PCA3: variants seen among roughly 807,000 people sequenced by gnomAD.
The protein encoded by PCA3 is Differential Display code 3.
chr9:76,779,138 A>C (rs1347392679), intron 2 of PCA3, among the ~76,000 whole-genome samples: 2 of 152,200 alleles, frequency 1.3e-5, no homozygotes, highest in Non-Finnish European at 2.9e-5. Flanking sequence ...TGTAGACGCA[A>C]ATTTTCTGGA....
intron 2 of PCA3, among the ~76,000 whole-genome samples, chr9:76,767,403 A>C (rs2052527877): frequency 6.6e-6 from 1 of 151,808 alleles, no homozygotes; most frequent in South Asian, 2.1e-4. Flanking sequence ...GTGAGACAAG[A>C]TTGTGCCACT....
intron 2 of PCA3, among the ~76,000 whole-genome samples, chr9:76,775,263 A>G (rs1490856316): frequency 6.6e-6 from 1 of 152,186 alleles, no homozygotes; most frequent in East Asian, 1.9e-4. Context: ...TTGCAATGAC[A>G]AAGAGGAACA....
chr9:76,784,630 A>T (rs2054780203), intron 2 of PCA3: 1 of 152,240 alleles, frequency 6.6e-6, no homozygotes, highest in South Asian at 2.1e-4. Context: ...TACACTGTAG[A>T]ATAACATTAC....
chr9:76,768,042 G>A (rs1373047647), intron 2 of PCA3, among the ~76,000 whole-genome samples: 1 of 152,164 alleles, frequency 6.6e-6, no homozygotes, highest in Non-Finnish European at 1.5e-5. Flanking sequence ...ACAGCGGCAG[G>A]TCAGAGGGAG....
intron 2 of PCA3, among the ~76,000 whole-genome samples, chr9:76,773,496 T>A (rs1194542872): frequency 2.1e-5 from 3 of 144,422 alleles, no homozygotes; most frequent in Non-Finnish European, 3.0e-5. Flanking sequence ...CAGGCTGGAG[T>A]GCAGTGGTGC....
At chr9:76,766,285 G>C (rs1460404257) in intron 2 of PCA3, among the ~76,000 whole-genome samples, 1 of 151,924 alleles carries the variant, frequency 6.6e-6, no homozygotes, top group Non-Finnish European at 1.5e-5. Flanking sequence ...AGCTTCAGGG[G>C]ATACCATATG....
At chr9:76,772,617 G>A (rs530563012) in intron 2 of PCA3, among the ~76,000 whole-genome samples, 22 of 152,210 alleles carry the variant, frequency 1.4e-4, no homozygotes, top group Non-Finnish European at 2.8e-4. Context: ...AGGCTGGAAC[G>A]TAGTGGTGCA....
At chr9:76,770,580 G>A (rs907696888) in intron 2 of PCA3, among the ~76,000 whole-genome samples, 2 of 152,052 alleles carry the variant, frequency 1.3e-5, no homozygotes, top group South Asian at 2.1e-4. Context: ...TAAAATTAAA[G>A]CTAAAAGTAA....
In PCA3 at chr9:76,770,961, ATAAC is replaced by A. The variant is rs144748804; in HGVS notation, n.852+34353_852+34356del. Among the ~76,000 whole-genome samples, 602 of 152,302 alleles carry A rather than the reference ATAAC, an allele frequency of 4.0e-3. 2 individuals carry two copies. Among genetic ancestry groups the A allele is most frequent in the African/African-American group, 0.014 (567 of 41,564 alleles). On this transcript the variant is annotated intron_variant and non_coding_transcript_variant, in intron 2 of 5. Transcript: ENST00000644657. ...AGAAGAATTAGTAATTGATAAACTA[ATAAC>A]TAACTAGAGACACTGTAACACTTAC...
intron 2 of PCA3, among the ~76,000 whole-genome samples, chr9:76,783,330 T>C (rs1167749136): frequency 6.6e-6 from 1 of 151,950 alleles, no homozygotes; most frequent in Admixed American, 6.6e-5. Flanking sequence ...AGAGATGGGG[T>C]TTCACCATAT....
intron 2 of PCA3, among the ~76,000 whole-genome samples, chr9:76,781,360 A>G (rs1288609475): frequency 2.0e-5 from 3 of 151,726 alleles, no homozygotes; most frequent in East Asian, 3.9e-4. Context: ...CCTCCCCTAC[A>G]CTCACTATGA....
chr9:76,771,557 T>C (rs1297580499), intron 2 of PCA3, among the ~76,000 whole-genome samples: 1 of 152,092 alleles, frequency 6.6e-6, no homozygotes, highest in East Asian at 1.9e-4. Flanking sequence ...GCTGGAGTGG[T>C]AGGGTAATAA....
chr9:76,773,387 C>G (rs1300006233), intron 2 of PCA3, among the ~76,000 whole-genome samples: 1 of 150,182 alleles, frequency 6.7e-6, no homozygotes, highest in Non-Finnish European at 1.5e-5. Flanking sequence ...TGTTATCTGG[C>G]TTCCTGTAAT....
At chr9:76,783,153 T>C (rs557994309) in intron 2 of PCA3, among the ~76,000 whole-genome samples, 2 of 152,324 alleles carry the variant, frequency 1.3e-5, no homozygotes, top group South Asian at 4.1e-4. Context: ...GTTTGTTTTT[T>C]GGAAACAGAG....
intron 2 of PCA3, among the ~76,000 whole-genome samples, chr9:76,767,929 G>A (rs2052599840): frequency 6.6e-6 from 1 of 152,190 alleles, no homozygotes; most frequent in Non-Finnish European, 1.5e-5. Context: ...GGGTGTAAAA[G>A]AGCAAGGACT....
At chr9:76,776,278 T>TA (rs909000697) in intron 2 of PCA3, among the ~76,000 whole-genome samples, 152 of 152,260 alleles carry the variant, frequency 1.0e-3, no homozygotes, top group African/African-American at 3.4e-3. Context: ...TTTCATTCCT[T>TA]ACCACCCTCC....
At chr9:76,783,047 A>G (rs756108782) in intron 2 of PCA3, among the ~76,000 whole-genome samples, 7 of 152,228 alleles carry the variant, frequency 4.6e-5, no homozygotes, top group East Asian at 1.9e-4. Flanking sequence ...AACAGTCCAC[A>G]TAGTAGGTAT....
At chr9:76,774,468 T>TA (rs1564272983) in intron 2 of PCA3, among the ~76,000 whole-genome samples, 5 of 144,522 alleles carry the variant, frequency 3.5e-5, no homozygotes, top group African/African-American at 1.0e-4. Flanking sequence ...TTTTTTTTTT[T>TA]TTTTTTTTTG....
At chr9:76,775,488 A>C (rs894321493) in intron 2 of PCA3, among the ~76,000 whole-genome samples, 1 of 151,720 alleles carries the variant, frequency 6.6e-6, no homozygotes, top group Non-Finnish European at 1.5e-5. Context: ...TTTTGTAGAG[A>C]TGGGATCTCG....
Sources: allele counts gnomAD v4.1 joint callset (sites outside exome capture counted in the v4.1 genomes callset), GRCh38; gene constraint gnomAD v4.1.1; transcripts MANE v1.5; gene names NCBI Gene and HGNC (gene_info 2026-07-23, HGNC 2026-07-21).